ZNF385C: variants seen among roughly 807,000 people sequenced by gnomAD.
ZNF385C encodes zinc finger protein 385C.
A neutral mutation model predicts 35.4 loss-of-function variants in ZNF385C; 28 were observed. The observed-to-expected ratio is 0.79, with a 90% CI of 0.59 to 1.08. The LOEUF (loss-of-function observed/expected upper bound fraction) is 1.08. Ranked by LOEUF, ZNF385C falls within the 50% of genes least tolerant of loss-of-function variation. The pLI is 0.00. For synonymous variants in ZNF385C, 248 were observed against 248.2 expected (o/e 1.00, Z 0.01); for missense variants, 605 against 595.6 (o/e 1.02, Z -0.16).
At chr17:42,039,915 C>T (rs1044121932) in intron 2 of ZNF385C, 223 of 1,231,158 alleles carry the variant, frequency 1.8e-4, no homozygotes, top group Non-Finnish European at 2.2e-4. Context: ...CCGCGGGCAG[C>T]GCCAAAGCCA....
At chr17:42,040,374 G>A in intron 2 of ZNF385C, 1 of 1,231,938 alleles carries the variant, frequency 8.1e-7, no homozygotes. Flanking sequence ...GTTCCTGCAG[G>A]AAGCCCTGGA....
chr17:42,073,938 C>T (rs1343960674), intron 1 of ZNF385C, among the ~76,000 whole-genome samples: 3 of 143,250 alleles, frequency 2.1e-5, no homozygotes, highest in Non-Finnish European at 4.5e-5. Flanking sequence ...CACCAAGTCT[C>T]CTAGCACTTC....
chr17:42,037,584 T>A (rs1254340185), intron 3 of ZNF385C, among the ~76,000 whole-genome samples, 153 bp downstream of exon 3: 2 of 151,678 alleles, frequency 1.3e-5, no homozygotes, highest in African/African-American at 4.8e-5. Flanking sequence ...CAAATAGGGG[T>A]CCCTATTTGG....
At chr17:42,041,532 AC>A (rs1263548086) in intron 2 of ZNF385C, among the ~76,000 whole-genome samples, 7 of 152,160 alleles carry the variant, frequency 4.6e-5, no homozygotes, top group African/African-American at 1.7e-4. Context: ...ATAAACATCA[AC>A]TTTTGTTGTG....
chr17:42,040,110 C>T (rs2052977628), intron 2 of ZNF385C: 6 of 1,231,256 alleles, frequency 4.9e-6, no homozygotes, highest in Non-Finnish European at 6.1e-6. Context: ...GCAGCACCCG[C>T]AGCGCCCCCT....
At chr17:42,073,007 G>T (rs1359097945) in intron 1 of ZNF385C, among the ~76,000 whole-genome samples, 1 of 152,180 alleles carries the variant, frequency 6.6e-6, no homozygotes, top group Non-Finnish European at 1.5e-5. Context: ...CCCCTCTTTT[G>T]CAAGGAAACT....
At chr17:42,041,898 C>T (rs1457474142) in intron 2 of ZNF385C, among the ~76,000 whole-genome samples, 1 of 152,196 alleles carries the variant, frequency 6.6e-6, no homozygotes, top group African/African-American at 2.4e-5. Context: ...CCAGAGGGAA[C>T]ACCCTGCTCT....
chr17:42,046,022 C>G (rs2143706633), intron 2 of ZNF385C, among the ~76,000 whole-genome samples: 1 of 152,342 alleles, frequency 6.6e-6, no homozygotes, highest in Middle Eastern at 3.4e-3. Context: ...CCTCTCCCTC[C>G]TCTTTCCTTA....
At chr17:42,056,011 G>A (rs1374890517) in intron 2 of ZNF385C, among the ~76,000 whole-genome samples, 5 of 152,184 alleles carry the variant, frequency 3.3e-5, no homozygotes, top group East Asian at 1.9e-4. Context: ...AGTCTGACTC[G>A]ATCTCTGCTA....
intron 1 of ZNF385C, among the ~76,000 whole-genome samples, chr17:42,092,568 G>T (rs1246790659): frequency 1.3e-5 from 2 of 152,170 alleles, no homozygotes; most frequent in Non-Finnish European, 2.9e-5. Context: ...GCCCATCAGA[G>T]AATTATTCCT....
chr17:42,037,968 G>T, intron 2 of ZNF385C, 83 bp from the exon 3 acceptor site: 1 of 1,542,300 alleles, frequency 6.5e-7, no homozygotes. Context: ...GGCTTCTTGG[G>T]TGTGGAGCTG....
intron 1 of ZNF385C, among the ~76,000 whole-genome samples, chr17:42,066,875 T>C (rs1555658475): frequency 6.6e-6 from 1 of 152,054 alleles, no homozygotes; most frequent in African/African-American, 2.4e-5. Context: ...AAGACCAGCC[T>C]GGCCAACATG....
At chr17:42,051,132 T>C (rs2053275487) in intron 2 of ZNF385C, among the ~76,000 whole-genome samples, 2 of 151,490 alleles carry the variant, frequency 1.3e-5, no homozygotes, top group Non-Finnish European at 2.9e-5. Context: ...TGCAGGTTCA[T>C]GAAGAATTGG....
chr17:42,039,791 G>A (rs2052962277), intron 2 of ZNF385C: 2 of 1,232,334 alleles, frequency 1.6e-6, no homozygotes, highest in Non-Finnish European at 2.0e-6. Context: ...TCGTGCAGCG[G>A]GGGCCCATCC....
intron 2 of ZNF385C, chr17:42,040,555 C>T (rs1383073536): frequency 5.8e-5 from 72 of 1,232,938 alleles, no homozygotes; most frequent in Non-Finnish European, 7.1e-5. Context: ...GGTGAACTGG[C>T]GCAGGGCCAG....
At chr17:42,046,063 C>G (rs2053153861) in intron 2 of ZNF385C, among the ~76,000 whole-genome samples, 1 of 152,216 alleles carries the variant, frequency 6.6e-6, no homozygotes, top group Admixed American at 6.5e-5. Context: ...GAGAGCAGCT[C>G]AGATATCCCT....
rs2143546337 is a variant in ZNF385C at position 42,031,764 on chromosome 17, A to G, written c.531T>C (p.Tyr177=). Reference sequence around the variant, plus strand: ...GTTTTCTGGCGTGTTTGTGGCCTTTATAATGTGCCTCGGCCTGGTTCTGGG... The same window carrying G: ...GTTTTCTGGCGTGTTTGTGGCCTTTGTAATGTGCCTCGGCCTGGTTCTGGG... ...FNSANQAEAH[Y]KGHKHARKLK... Residue 177 remains tyrosine, a synonymous_variant, in exon 5 of 9, where the codon TAT becomes TAC. Transcript: ENST00000692273. 1 of 1,550,824 alleles carries G rather than the reference A, an allele frequency of 6.4e-7. No individual in the cohort carries two copies. The highest frequency in any genetic ancestry group is 1.2e-5 in the South Asian group (1 of 84,058).
At chr17:42,030,159 T>A (rs893164241) in intron 5 of ZNF385C, among the ~76,000 whole-genome samples, 2 of 151,864 alleles carry the variant, frequency 1.3e-5, no homozygotes, top group African/African-American at 2.4e-5. Flanking sequence ...CTTACAGATA[T>A]AATGAATGTT....
chr17:42,046,831 C>T (rs559051256), intron 2 of ZNF385C, among the ~76,000 whole-genome samples: 4 of 150,736 alleles, frequency 2.7e-5, no homozygotes, highest in East Asian at 3.9e-4. Flanking sequence ...ACTCTTGTTT[C>T]TGAGACTGTC....
Sources: gnomAD v4.1 joint callset for allele counts (sites outside exome capture counted in the v4.1 genomes callset) on GRCh38, gnomAD v4.1.1 for gene constraint, MANE v1.5 for transcripts, NCBI Gene and HGNC (gene_info 2026-07-23, HGNC 2026-07-21) for gene names.